The following TULP3 variants were observed in gnomAD, a reference collection of about 807,000 sequenced individuals.
The protein encoded by TULP3 is tubby-related protein 3.
Under a neutral mutation model 50.7 loss-of-function variants are expected in TULP3, and 38 were observed. That is an observed-to-expected ratio of 0.75 (90% CI 0.58 to 0.98). TULP3 has a LOEUF of 0.98. Among genes scored for constraint, TULP3 ranks in the 50% least tolerant of loss-of-function variants. The pLI is 0.00. For synonymous variants in TULP3, 183 were observed against 196.6 expected, an observed-to-expected ratio of 0.93 and a Z score of 0.58; for missense variants, 550 against 568.0, an observed-to-expected ratio of 0.97 and a Z score of 0.32.
chr12:2,931,471 A>G (rs1048616052), intron 6 of TULP3, among the ~76,000 whole-genome samples: 1 of 152,252 alleles, frequency 6.6e-6, no homozygotes, highest in African/African-American at 2.4e-5. Context: ...CGAAGTGGGA[A>G]AATGGACGGG....
intron 1 of TULP3, among the ~76,000 whole-genome samples, chr12:2,900,332 T>G (rs1449219385): frequency 6.6e-6 from 1 of 152,196 alleles, no homozygotes; most frequent in Non-Finnish European, 1.5e-5. Flanking sequence ...TAAAAGCACT[T>G]TCTTAGGCTG....
chr12:2,927,925 G>A (rs2098195615), intron 4 of TULP3, among the ~76,000 whole-genome samples: 2 of 152,106 alleles, frequency 1.3e-5, no homozygotes. Context: ...TCTTTCTCTT[G>A]GAGAAATGAT....
chr12:2,893,497 T>C (rs2098173531), intron 1 of TULP3, among the ~76,000 whole-genome samples: 1 of 151,970 alleles, frequency 6.6e-6, no homozygotes, highest in Non-Finnish European at 1.5e-5. Flanking sequence ...ATTTTTATAT[T>C]TTTAGTAGAG....
At chr12:2,913,593 C>A (rs1241331461) in intron 2 of TULP3, among the ~76,000 whole-genome samples, 2 of 151,172 alleles carry the variant, frequency 1.3e-5, no homozygotes, top group Non-Finnish European at 2.9e-5. Flanking sequence ...TTTACACTTT[C>A]CGTGGTTTAT....
At chr12:2,899,311 A>G (rs1383440761) in intron 1 of TULP3, among the ~76,000 whole-genome samples, 1 of 144,830 alleles carries the variant, frequency 6.9e-6, no homozygotes, top group East Asian at 2.1e-4. Context: ...CGCCATTGCA[A>G]TCCAGCCTGG....
At position 2,922,284 on chromosome 12, in the gene TULP3, C is replaced by T. The variant is rs2098192249; in HGVS notation, c.276C>T (p.Val92=). ...TAGGTATTGATGGTCCAGCTGCTGT[C>T]CTGAAACCAGACGAAGTTCATGCTC... The part of the protein sequence containing the change: ...ILHGIDGPAA[V]LKPDEVHAPS... The change falls in exon 4 of 11, where the codon GTC becomes GTT. Residue 92 remains valine (V), a synonymous_variant. Coordinates refer to ENST00000448120, the MANE Select transcript of TULP3 (RefSeq NM_003324.5). 2 of 1,613,890 alleles carry T rather than the reference C, an allele frequency of 1.2e-6. No individual in the cohort carries two copies. The highest frequency in any genetic ancestry group is 4.5e-5 in the East Asian group (2 of 44,870).
At chr12:2,913,566 G>A (rs367609628) in intron 2 of TULP3, among the ~76,000 whole-genome samples, 2 of 151,246 alleles carry the variant, frequency 1.3e-5, no homozygotes, top group East Asian at 2.0e-4. Flanking sequence ...GCCTGGTCAA[G>A]TTTTATAGTT....
intron 4 of TULP3, among the ~76,000 whole-genome samples, chr12:2,929,527 G>T (rs890189366): frequency 2.0e-5 from 3 of 152,154 alleles, no homozygotes; most frequent in African/African-American, 7.2e-5. Context: ...GCCTCAAGCA[G>T]TCCTTCTGCC....
At chr12:2,916,221 C>T (rs1818269324) in intron 2 of TULP3, among the ~76,000 whole-genome samples, 1 of 151,144 alleles carries the variant, frequency 6.6e-6, no homozygotes. Flanking sequence ...ATGTTGGCCT[C>T]GAATTCCTGA....
At position 2,939,822 on chromosome 12, in the gene TULP3, G is replaced by T; in HGVS notation, c.*378G>T. On this transcript the variant is annotated 3_prime_UTR_variant, in exon 11 of 11. Coordinates refer to ENST00000448120, the MANE Select transcript of TULP3 (RefSeq NM_003324.5). This position sits in a 1 kb window ranked among gnomAD's most constrained non-coding sequence, Gnocchi z 4.0. ...TATATAAAACACACACACACCCCGC[G>T]CACTCTCACTCCTTTTCCAGGTTTC... 1 of 1,187,988 alleles carries T rather than the reference G, an allele frequency of 8.4e-7. No homozygotes were observed. Among genetic ancestry groups the T allele is most frequent in the South Asian group, 1.6e-5 (1 of 63,250 alleles). 73.6% of individuals were successfully genotyped at this position (1,187,988 alleles called of 1,614,324 possible).
chr12:2,930,766 G>A (rs1439855556), intron 5 of TULP3: 8 of 541,550 alleles, frequency 1.5e-5, no homozygotes, highest in Middle Eastern at 4.8e-4. Flanking sequence ...CTGAGTGAGG[G>A]TTCCTTCAGA....
chr12:2,897,877 G>T (rs1281379062), intron 1 of TULP3, among the ~76,000 whole-genome samples: 1 of 151,048 alleles, frequency 6.6e-6, no homozygotes. Context: ...TTAGGAGTTA[G>T]AGACCAGCCT....
At chr12:2,903,941 G>T (rs184724155) in intron 1 of TULP3, among the ~76,000 whole-genome samples, 6 of 151,964 alleles carry the variant, frequency 3.9e-5, no homozygotes, top group Non-Finnish European at 8.8e-5. Context: ...CCACCACCAC[G>T]CCCAGCTAAT....
chr12:2,906,533 T>C (rs943738297), intron 1 of TULP3, among the ~76,000 whole-genome samples: 18 of 151,596 alleles, frequency 1.2e-4, no homozygotes, highest in Non-Finnish European at 2.2e-4. Context: ...TTCACCATGT[T>C]GGCCAGGCTG....
intron 8 of TULP3, 24 bp from the exon 9 acceptor site, chr12:2,937,607 C>G: frequency 6.4e-7 from 1 of 1,559,290 alleles, no homozygotes; most frequent in Non-Finnish European, 8.8e-7. Flanking sequence ...TTTCCAAGTT[C>G]TGCTTTGTTT....
chr12:2,935,727 CT>C (rs978002473), intron 8 of TULP3, among the ~76,000 whole-genome samples: 31 of 152,108 alleles, frequency 2.0e-4, no homozygotes, highest in African/African-American at 6.5e-4. Flanking sequence ...AATCCCAGCA[CT>C]TTGGGAGGCT....
At chr12:2,900,858 C>T (rs867049137) in intron 1 of TULP3, among the ~76,000 whole-genome samples, 120 of 149,812 alleles carry the variant, frequency 8.0e-4, no homozygotes, top group African/African-American at 2.8e-3. Flanking sequence ...TATAGGCATG[C>T]GCAACCAAGC....
chr12:2,936,262 G>A (rs571941370), intron 8 of TULP3, among the ~76,000 whole-genome samples: 1 of 151,986 alleles, frequency 6.6e-6, no homozygotes, highest in South Asian at 2.1e-4. Context: ...AGAGCAAGAC[G>A]CCATCTCAAA....
At chr12:2,904,272 C>A (rs562881090) in intron 1 of TULP3, among the ~76,000 whole-genome samples, 2 of 152,124 alleles carry the variant, frequency 1.3e-5, no homozygotes, top group Admixed American at 1.3e-4. Flanking sequence ...AATTCTCTTT[C>A]TGTACACTGT....
Sources: gnomAD v4.1 joint callset for allele counts (sites outside exome capture counted in the v4.1 genomes callset) on GRCh38, gnomAD v4.1.1 for gene constraint, Gnocchi (gnomAD v3.1) non-coding constraint, MANE v1.5 for transcripts, NCBI Gene and HGNC (gene_info 2026-07-23, HGNC 2026-07-21) for gene names.